BTBD1: variants seen among roughly 807,000 people sequenced by gnomAD.
The protein encoded by BTBD1 is BTB domain containing 1, also known as BTB/POZ domain-containing protein 1.
A neutral mutation model predicts 48.0 loss-of-function variants in BTBD1; 34 were observed. The observed-to-expected ratio is 0.71, with a 90% CI of 0.54 to 0.94. The LOEUF is 0.94. BTBD1 is among the 40% of genes least tolerant of loss of function. The probability of loss-of-function intolerance (pLI) is 0.00; values close to 1 mark genes in which losing one functional copy is unlikely to be tolerated. For synonymous variants in BTBD1, 261 were observed against 242.1 expected (o/e 1.08, Z -0.72); for missense variants, 543 against 625.6 (o/e 0.87, Z 1.41).
At chr15:83,050,270 T>C (rs966087278) in intron 2 of BTBD1, 92 bp from the exon 3 acceptor site, 21 of 656,542 alleles carry the variant, frequency 3.2e-5, no homozygotes, top group South Asian at 5.6e-5. Context: ...ACAGTTATAA[T>C]TGCTAATTAT....
intron 2 of BTBD1, among the ~76,000 whole-genome samples, chr15:83,055,428 T>G (rs1240363346): frequency 6.6e-6 from 1 of 151,778 alleles, no homozygotes; most frequent in Non-Finnish European, 1.5e-5. Context: ...CGGCTAATTT[T>G]TTTATTTTTA....
intron 4 of BTBD1, 123 bp downstream of exon 4, chr15:83,041,605 T>C: frequency 1.2e-6 from 1 of 824,864 alleles, no homozygotes; most frequent in Non-Finnish European, 2.0e-6. Flanking sequence ...ACTCCTGTCC[T>C]CAAGTGATCC....
At chr15:83,063,038 A>G (rs2033201139) in intron 1 of BTBD1, among the ~76,000 whole-genome samples, 1 of 152,210 alleles carries the variant, frequency 6.6e-6, no homozygotes, top group South Asian at 2.1e-4. Context: ...AATAGCATTG[A>G]GCATAACTGA....
chr15:83,026,564 C>T (rs914248490), intron 5 of BTBD1, among the ~76,000 whole-genome samples: 1 of 142,862 alleles, frequency 7.0e-6, no homozygotes. Flanking sequence ...CTCTTGTTGC[C>T]CAGGCTGGAG....
chr15:83,026,949 C>T (rs2032421101), intron 5 of BTBD1, among the ~76,000 whole-genome samples: 1 of 151,958 alleles, frequency 6.6e-6, no homozygotes, highest in African/African-American at 2.4e-5. Context: ...AATACTAAAC[C>T]ACTGCTCCTA....
At position 83,041,744 on chromosome 15, in the gene BTBD1, A is replaced by G. The variant is rs771743000; in HGVS notation, c.846T>C (p.Ile282=). ...LSLIRFPLMT[I]EEFAAGPAQS... is the part of the protein sequence containing the mutation. ...TACCCTTACCTGCTGCAAATTCCTC[A>G]ATTGTCATCAGTGGGAACCGGATTA... is the stretch of plus-strand genomic sequence containing the variant. Residue 282 remains isoleucine (I), a synonymous_variant, in exon 4 of 8, where the codon ATT becomes ATC. Transcript: ENST00000261721. 1.3e-5 allele frequency: 21 copies of G among 1,614,022 alleles called. No individual in the cohort carries two copies. The Admixed American group carries it at 3.5e-4, about 27-fold the overall frequency.
In BTBD1 at chr15:83,045,109, A is replaced by G. The variant is rs577016854; in HGVS notation, c.665-3184T>C. 1.6e-4 allele frequency among the ~76,000 whole-genome samples: 24 copies of G among 152,362 alleles called. No individual in the cohort carries two copies. The South Asian group carries it at 4.6e-3, about 29-fold the overall frequency. On this transcript the variant is annotated intron_variant, in intron 3 of 7. Coordinates refer to ENST00000261721, the MANE Select transcript of BTBD1 (RefSeq NM_025238.4). ...TTTAAATTAAATTTAAATAAAAATG[A>G]GTATGCTATAGTTACAGCAGAAATC...
intron 4 of BTBD1, among the ~76,000 whole-genome samples, chr15:83,039,674 A>C (rs1486065631): frequency 1.3e-5 from 2 of 150,954 alleles, no homozygotes; most frequent in Non-Finnish European, 2.9e-5. Context: ...GTTACTCAGG[A>C]GGCTGAGGTG....
At chr15:83,063,081 ACTT>A (rs998115292) in intron 1 of BTBD1, among the ~76,000 whole-genome samples, 5 of 152,170 alleles carry the variant, frequency 3.3e-5, no homozygotes, top group East Asian at 1.9e-4. Flanking sequence ...GACATTTCCC[ACTT>A]CTTCTTTCTT....
At chr15:83,036,943 G>A (rs2032641430) in intron 4 of BTBD1, among the ~76,000 whole-genome samples, 1 of 152,174 alleles carries the variant, frequency 6.6e-6, no homozygotes, top group South Asian at 2.1e-4. Flanking sequence ...AAAGGCTTCT[G>A]GGGTACTAGT....
At chr15:83,038,257 AAT>A (rs929320105) in intron 4 of BTBD1, among the ~76,000 whole-genome samples, 2 of 152,186 alleles carry the variant, frequency 1.3e-5, no homozygotes, top group Non-Finnish European at 1.5e-5. Flanking sequence ...CCACACAAAA[AAT>A]AAAATACCTA....
At chr15:83,044,860 T>A in intron 3 of BTBD1, 1 of 778,828 alleles carries the variant, frequency 1.3e-6, no homozygotes, top group South Asian at 1.5e-5. Context: ...TTTTTTTCAT[T>A]ACTGTGTTCA....
chr15:83,051,064 G>A (rs948238138), intron 2 of BTBD1, among the ~76,000 whole-genome samples: 4 of 151,502 alleles, frequency 2.6e-5, no homozygotes, highest in Non-Finnish European at 5.9e-5. Context: ...AGCAGGGGGA[G>A]TCCAAGTTAA....
intron 1 of BTBD1, chr15:83,061,431 A>G (rs1169834684): frequency 6.6e-6 from 1 of 152,142 alleles, no homozygotes; most frequent in African/African-American, 2.4e-5. Context: ...CTAATAACTA[A>G]TCTCTAATGA....
At chr15:83,054,910 G>A (rs952920856) in intron 2 of BTBD1, among the ~76,000 whole-genome samples, 2 of 152,178 alleles carry the variant, frequency 1.3e-5, no homozygotes, top group East Asian at 3.9e-4. Context: ...TGGAAAACAA[G>A]AGCTCTGGGC....
chr15:83,048,642 C>T (rs2032924283), intron 3 of BTBD1, among the ~76,000 whole-genome samples: 1 of 152,098 alleles, frequency 6.6e-6, no homozygotes, highest in African/African-American at 2.4e-5. Flanking sequence ...AAGTCCTCAA[C>T]GTATGGGTTC....
chr15:83,025,322 C>T (rs1443869514), intron 5 of BTBD1, among the ~76,000 whole-genome samples: 1 of 134,968 alleles, frequency 7.4e-6, no homozygotes, highest in South Asian at 2.4e-4. Context: ...CTCACCATTG[C>T]ACTCCAGCCT....
At chr15:83,026,446 G>T (rs2032407987) in intron 5 of BTBD1, among the ~76,000 whole-genome samples, 1 of 151,030 alleles carries the variant, frequency 6.6e-6, no homozygotes, top group South Asian at 2.1e-4. Flanking sequence ...ATTCATGTAG[G>T]TAAAAAATCT....
At chr15:83,038,548 T>C (rs1242332827) in intron 4 of BTBD1, among the ~76,000 whole-genome samples, 2 of 152,016 alleles carry the variant, frequency 1.3e-5, no homozygotes, top group East Asian at 3.8e-4. Context: ...AGAAAAATAT[T>C]CTAAAATATG....
Sources: allele counts gnomAD v4.1 joint callset (sites outside exome capture counted in the v4.1 genomes callset), GRCh38; gene constraint gnomAD v4.1.1; transcripts MANE v1.5; gene names NCBI Gene and HGNC (gene_info 2026-07-23, HGNC 2026-07-21).